The following DYM variants were observed in gnomAD, a reference collection of about 807,000 sequenced individuals.
The protein encoded by DYM is dymeclin, also known as dyggve-Melchior-Clausen syndrome protein.
In DYM, 78 loss-of-function variants were observed where a neutral mutation model predicts 93.1. The observed-to-expected ratio is 0.84, with a 90% CI of 0.70 to 1.01. The LOEUF is 1.01. Among genes scored for constraint, DYM ranks in the 50% least tolerant of loss-of-function variants. The probability of loss-of-function intolerance (pLI) is 0.00; values close to 1 mark genes in which losing one functional copy is unlikely to be tolerated. For missense variants in DYM, 789 were observed against 845.0 expected (o/e 0.93, Z 0.82); for synonymous variants, 321 against 319.7 (o/e 1.00, Z -0.04).
chr18:49,199,525 C>T (rs2091829319), intron 14 of DYM, among the ~76,000 whole-genome samples: 1 of 152,140 alleles, frequency 6.6e-6, no homozygotes, highest in Non-Finnish European at 1.5e-5. Context: ...GGCTTGATGA[C>T]AGGATCAAGT....
At chr18:49,428,269 A>G (rs1255015558) in intron 2 of DYM, among the ~76,000 whole-genome samples, 1 of 151,932 alleles carries the variant, frequency 6.6e-6, no homozygotes, top group African/African-American at 2.4e-5. Flanking sequence ...TGGGTAACAG[A>G]GCAAGACCCC....
At chr18:49,254,402 AT>A (rs2094351659) in intron 13 of DYM, among the ~76,000 whole-genome samples, 1 of 150,838 alleles carries the variant, frequency 6.6e-6, no homozygotes, top group South Asian at 2.1e-4. Context: ...TTTATTATTT[AT>A]TTTGATACTT....
At chr18:49,260,269 C>T (rs2094469054) in intron 11 of DYM, among the ~76,000 whole-genome samples, 1 of 152,162 alleles carries the variant, frequency 6.6e-6, no homozygotes, top group Admixed American at 6.6e-5. Context: ...ATAGTCCCAG[C>T]TACTCTGGAG....
At chr18:49,317,621 C>T (rs1454517996) in intron 8 of DYM, among the ~76,000 whole-genome samples, 1 of 33,926 alleles carries the variant, frequency 2.9e-5, no homozygotes. Context: ...CCCTCCCTCC[C>T]TCCCTCCCTC....
At chr18:49,233,862 C>T (rs906673588) in intron 13 of DYM, among the ~76,000 whole-genome samples, 3 of 152,116 alleles carry the variant, frequency 2.0e-5, no homozygotes, top group Non-Finnish European at 2.9e-5. Context: ...CGCGGTGGCT[C>T]ACACCTGTAA....
chr18:49,240,536 T>A (rs530401594), intron 13 of DYM, among the ~76,000 whole-genome samples: 1 of 152,340 alleles, frequency 6.6e-6, no homozygotes, highest in South Asian at 2.1e-4. Context: ...TTAAAATCCA[T>A]ATTTACTAAC....
At chr18:49,295,133 C>T (rs1254861278) in intron 8 of DYM, among the ~76,000 whole-genome samples, 5 of 152,104 alleles carry the variant, frequency 3.3e-5, no homozygotes, top group Non-Finnish European at 5.9e-5. Flanking sequence ...TCCATCATGA[C>T]CCAACAAATA....
intron 15 of DYM, among the ~76,000 whole-genome samples, chr18:49,153,217 T>C (rs1038620499): frequency 3.9e-5 from 6 of 152,238 alleles, no homozygotes; most frequent in African/African-American, 1.4e-4. Context: ...TCATGTCATA[T>C]ACTCCAAAAT....
At chr18:49,321,453 G>T in intron 8 of DYM, 1 of 397,510 alleles carries the variant, frequency 2.5e-6, no homozygotes, top group Non-Finnish European at 4.4e-6. Context: ...GTTTAAAAGT[G>T]GTTGTCAGCA....
chr18:49,197,867 T>C (rs921703481), intron 14 of DYM, among the ~76,000 whole-genome samples: 1 of 152,252 alleles, frequency 6.6e-6, no homozygotes, highest in Non-Finnish European at 1.5e-5. Context: ...CTTCACAGAA[T>C]TGGAAAAAAC....
At chr18:49,263,835 A>T (rs2094528295) in intron 11 of DYM, among the ~76,000 whole-genome samples, 1 of 152,252 alleles carries the variant, frequency 6.6e-6, no homozygotes, top group South Asian at 2.1e-4. Flanking sequence ...TATTTAAATT[A>T]AAATTTAATA....
At chr18:49,393,883 C>T (rs953995613) in intron 2 of DYM, 6 of 152,118 alleles carry the variant, frequency 3.9e-5, no homozygotes, top group Admixed American at 2.6e-4. Flanking sequence ...AAGCCAGCCA[C>T]AAAAAGATAA....
At chr18:49,292,381 C>CACAG (rs1174869048) in intron 8 of DYM, among the ~76,000 whole-genome samples, 2 of 150,880 alleles carry the variant, frequency 1.3e-5, no homozygotes. Flanking sequence ...CACACACACA[C>CACAG]ACACACACAC....
intron 14 of DYM, among the ~76,000 whole-genome samples, chr18:49,173,243 G>A (rs1360783146): frequency 2.0e-5 from 3 of 152,042 alleles, no homozygotes; most frequent in African/African-American, 7.2e-5. Flanking sequence ...TTGAAATCAG[G>A]TAGTGTGAGT....
chr18:49,385,163 T>A (rs1599823043), intron 3 of DYM, among the ~76,000 whole-genome samples: 1 of 152,002 alleles, frequency 6.6e-6, no homozygotes, highest in East Asian at 1.9e-4. Flanking sequence ...GATACCCGGC[T>A]CCTGAAAAGA....
At chr18:49,393,092 GGA>G (rs2069556568) in intron 2 of DYM, among the ~76,000 whole-genome samples, 10 of 442 alleles carry the variant, frequency 0.023, 1 homozygote, top group African/African-American at 0.061. Context: ...AGGGAGGGAG[GGA>G]AGGAAGGAAG....
At chr18:49,202,838 A>C (rs1388504670) in intron 14 of DYM, among the ~76,000 whole-genome samples, 4 of 70,520 alleles carry the variant, frequency 5.7e-5, no homozygotes, top group Non-Finnish European at 8.9e-5. Context: ...TCCGCCCGGC[A>C]GCCACCCCAT....
rs897569552 is a variant in DYM, at chr18:49,292,600, A to C, written c.764-5984T>G. Among the ~76,000 whole-genome samples the C allele has an allele frequency of 8.7e-3, 569 of 65,448 alleles. 11 individuals are homozygous for C. The highest frequency in any genetic ancestry group is 0.024 in the East Asian group (47 of 1,972). The allele number at this position is 65,448 out of a possible 152,430, so 42.9% of individuals were successfully genotyped here. On this transcript the variant is annotated intron_variant, in intron 8 of 17. Coordinates refer to ENST00000675505, the MANE Select transcript of DYM (RefSeq NM_001353214.3). The stretch of plus-strand genomic sequence containing the variant: ...ATTGCATTTTCCTGTTGGAAAAAAA[A>C]AAAAAAAAAAAAAAAAAAAAAAAAA...
At chr18:49,049,756 T>C (rs1294746235) in intron 17 of DYM, 1 of 154,392 alleles carries the variant, frequency 6.5e-6, no homozygotes, top group African/African-American at 2.4e-5. Context: ...GTCTAGTCTT[T>C]AGATGTGATT....
Sources: gnomAD v4.1 joint callset for allele counts (sites outside exome capture counted in the v4.1 genomes callset) on GRCh38, gnomAD v4.1.1 for gene constraint, MANE v1.5 for transcripts, NCBI Gene and HGNC (gene_info 2026-07-23, HGNC 2026-07-21) for gene names.